Variants in NSUN6 observed in about 807,000 individuals in gnomAD.
The protein encoded by NSUN6 is tRNA (cytosine(72)-C(5))-methyltransferase NSUN6.
In NSUN6, 64 loss-of-function variants were observed where a neutral mutation model predicts 58.0. The observed-to-expected ratio is 1.10, with a 90% confidence interval of 0.90 to 1.36. The LOEUF is 1.36. Ranked by LOEUF, NSUN6 falls within the 40% of genes most tolerant of loss-of-function variation. NSUN6 has a pLI of 0.00. For synonymous variants in NSUN6, 231 were observed against 193.9 expected (o/e 1.19, Z -1.59); for missense variants, 701 against 550.1 (o/e 1.27, Z -2.74).
chr10:18,552,298 G>T (rs1488042407), intron 8 of NSUN6, among the ~76,000 whole-genome samples: 1 of 152,088 alleles, frequency 6.6e-6, no homozygotes, highest in Non-Finnish European at 1.5e-5. Context: ...TAGTTGTTCT[G>T]GAAATGGATA....
At chr10:18,596,824 A>G (rs1181067807) in intron 6 of NSUN6, among the ~76,000 whole-genome samples, 1 of 152,172 alleles carries the variant, frequency 6.6e-6, no homozygotes, top group Admixed American at 6.5e-5. Context: ...AGAGTACTTC[A>G]ATCTCAGCAT....
At chr10:18,590,680 C>T (rs1214114014) in intron 7 of NSUN6, among the ~76,000 whole-genome samples, 1 of 152,092 alleles carries the variant, frequency 6.6e-6, no homozygotes, top group Non-Finnish European at 1.5e-5. Flanking sequence ...ACAATTTAGG[C>T]AGAAATAAAG....
At chr10:18,552,317 G>C (rs1250931606) in intron 8 of NSUN6, among the ~76,000 whole-genome samples, 3 of 152,050 alleles carry the variant, frequency 2.0e-5, no homozygotes, top group Admixed American at 6.6e-5. Context: ...TACTTCTCTT[G>C]GTAATTCCTA....
At chr10:18,625,953 T>C (rs1590116113) in intron 3 of NSUN6, among the ~76,000 whole-genome samples, 3 of 151,818 alleles carry the variant, frequency 2.0e-5, no homozygotes, top group Admixed American at 1.3e-4. Context: ...CTAAGGGAAA[T>C]ACTATGTGGC....
intron 8 of NSUN6, among the ~76,000 whole-genome samples, chr10:18,585,173 C>T (rs1183745937): frequency 6.6e-6 from 1 of 152,048 alleles, no homozygotes; most frequent in Non-Finnish European, 1.5e-5. Context: ...ATAATATATG[C>T]CGGCAAGGAT....
At chr10:18,546,318 A>G (rs1194095330) in intron 10 of NSUN6, among the ~76,000 whole-genome samples, 173 bp from the exon 11 acceptor site, 1 of 152,208 alleles carries the variant, frequency 6.6e-6, no homozygotes, top group African/African-American at 2.4e-5. Flanking sequence ...TCCAGACAGT[A>G]AAGTAGGAAA....
At chr10:18,624,138 C>A (rs2058705026) in intron 3 of NSUN6, among the ~76,000 whole-genome samples, 1 of 151,502 alleles carries the variant, frequency 6.6e-6, no homozygotes, top group African/African-American at 2.4e-5. Context: ...AAAGGAAAAA[C>A]CTCAAAAAAG....
chr10:18,546,141 G>C lies in NSUN6; in HGVS notation c.1202C>G (p.Pro401Arg), dbSNP rs138636565. ...CCTCATTCCTTCTCCTCCAATCTGC[G>C]GTTCCTGTTTGGAGAAAGTGGATCA... ...FPCLQLQPQE[P>R]QIGGEGMRGA... Residue 401 changes from proline to arginine, a missense_variant, in exon 11 of 11, where the codon CCG becomes CGG. Coordinates refer to ENST00000377304, the MANE Select transcript of NSUN6 (RefSeq NM_182543.5). The C allele has an allele frequency of 6.2e-7, 1 of 1,608,918 alleles. No homozygotes were observed. The highest frequency in any genetic ancestry group is 8.5e-7 in the Non-Finnish European group (1 of 1,175,416).
At chr10:18,653,796 T>C (rs970757237), upstream of NSUN6, among the ~76,000 whole-genome samples, 1 of 152,216 alleles carries the variant, frequency 6.6e-6, no homozygotes, top group African/African-American at 2.4e-5. Context: ...GCATAGTAGA[T>C]ATGTGCTATG....
At chr10:18,617,185 GTTTT>G (rs35698731) in intron 3 of NSUN6, among the ~76,000 whole-genome samples, 1 of 127,656 alleles carries the variant, frequency 7.8e-6, no homozygotes. Flanking sequence ...AGCCTTTCTA[GTTTT>G]TTTTTTTTTT....
intron 9 of NSUN6, among the ~76,000 whole-genome samples, chr10:18,550,432 T>C (rs1249636895): frequency 6.6e-6 from 1 of 152,156 alleles, no homozygotes; most frequent in African/African-American, 2.4e-5. Flanking sequence ...ACTAAATCAT[T>C]ATAGAACATC....
At chr10:18,570,922 A>C (rs1469923585) in intron 8 of NSUN6, among the ~76,000 whole-genome samples, 31 of 145,336 alleles carry the variant, frequency 2.1e-4, no homozygotes, top group Admixed American at 4.1e-4. Context: ...ATTCCATTCT[A>C]CATTCAATTA....
intron 1 of NSUN6, among the ~76,000 whole-genome samples, chr10:18,649,156 C>T (rs2059633749): frequency 6.6e-6 from 1 of 152,126 alleles, no homozygotes; most frequent in African/African-American, 2.4e-5. Context: ...CCTAGGACAT[C>T]AGCTTTTTAA....
intron 7 of NSUN6, among the ~76,000 whole-genome samples, chr10:18,593,666 A>G (rs910592537): frequency 3.9e-5 from 6 of 152,112 alleles, no homozygotes; most frequent in Non-Finnish European, 7.3e-5. Context: ...ATGAGAACAC[A>G]TGGACACAGG....
chr10:18,619,462 C>A (rs1202769172), intron 3 of NSUN6, among the ~76,000 whole-genome samples: 1 of 152,130 alleles, frequency 6.6e-6, no homozygotes, highest in African/African-American at 2.4e-5. Flanking sequence ...AACCAAAGAC[C>A]CTAAATTTAG....
chr10:18,606,332 T>C (rs1213779291), intron 6 of NSUN6, among the ~76,000 whole-genome samples: 1 of 106,842 alleles, frequency 9.4e-6, no homozygotes, highest in African/African-American at 3.5e-5. Context: ...CCAAAATGAG[T>C]GACATTAACA....
intron 3 of NSUN6, among the ~76,000 whole-genome samples, 180 bp from the exon 4 acceptor site, chr10:18,616,473 G>A (rs1365959872): frequency 6.6e-6 from 1 of 152,130 alleles, no homozygotes; most frequent in Non-Finnish European, 1.5e-5. Flanking sequence ...ACACGAAGAT[G>A]GGCACTTGAG....
intron 4 of NSUN6, among the ~76,000 whole-genome samples, chr10:18,614,913 A>G (rs965001418): frequency 6.6e-6 from 1 of 152,092 alleles, no homozygotes; most frequent in Non-Finnish European, 1.5e-5. Flanking sequence ...CAAGCCTTAA[A>G]AGATTTCTTA....
At chr10:18,560,574 G>T (rs549474990) in intron 8 of NSUN6, among the ~76,000 whole-genome samples, 1 of 150,976 alleles carries the variant, frequency 6.6e-6, no homozygotes, top group Non-Finnish European at 1.5e-5. Context: ...GAATGGAATG[G>T]AGGATGGTAT....
Sources: gnomAD v4.1 joint callset for allele counts (sites outside exome capture counted in the v4.1 genomes callset) on GRCh38, gnomAD v4.1.1 for gene constraint, MANE v1.5 for transcripts, NCBI Gene and HGNC (gene_info 2026-07-23, HGNC 2026-07-21) for gene names.